The following SGIP1 variants were observed in gnomAD, a reference collection of about 807,000 sequenced individuals.
SGIP1 encodes the protein SH3-containing GRB2-like protein 3-interacting protein 1.
Under a neutral mutation model 107.5 loss-of-function variants are expected in SGIP1, and 38 were observed. That is an observed-to-expected ratio of 0.35 (90% CI 0.27 to 0.46). The LOEUF is 0.46. Among genes scored for constraint, SGIP1 ranks in the 20% least tolerant of loss-of-function variants. The pLI, the probability that SGIP1 is intolerant of heterozygous loss-of-function variation, is 1.00. For synonymous variants in SGIP1, 365 were observed against 366.1 expected (o/e 1.00, Z 0.03); for missense variants, 929 against 1,019.5 (o/e 0.91, Z 1.21).
intron 1 of SGIP1, among the ~76,000 whole-genome samples, chr1:66,569,870 A>G (rs1384447306): frequency 6.6e-6 from 1 of 151,820 alleles, no homozygotes; most frequent in East Asian, 1.9e-4. Flanking sequence ...TCTGTTTTAA[A>G]AGTTATCAAC....
At chr1:66,739,134 G>A (rs1042460671) in intron 21 of SGIP1, among the ~76,000 whole-genome samples, 6 of 149,610 alleles carry the variant, frequency 4.0e-5, no homozygotes, top group Non-Finnish European at 6.0e-5. Flanking sequence ...ACTCCAAAGT[G>A]CCACCGAGAC....
Position 66,534,241 on chromosome 1 carries a change from G to T in SGIP1, c.-118G>T, listed in dbSNP as rs1557798885. On this transcript the variant is annotated 5_prime_UTR_variant, in exon 1 of 25. Transcript: ENST00000371037. The stretch of plus-strand genomic sequence containing the variant: ...CTTAACACTTATCTCCTTTGGCTTT[G>T]ACAGCGGACGGAATAGACCTCAGCA... 1 of 1,086,838 alleles carries T rather than the reference G, an allele frequency of 9.2e-7. No homozygotes were observed. Among genetic ancestry groups the T allele is most frequent in the African/African-American group, 1.5e-5 (1 of 64,706 alleles). The allele number at this position is 1,086,838 out of a possible 1,614,324, so 67.3% of individuals were successfully genotyped here. A position where few individuals can be genotyped will look rare whatever the true frequency, so the allele number is the denominator to read the frequency against.
chr1:66,706,454 AT>A (rs5774835), intron 18 of SGIP1, among the ~76,000 whole-genome samples: 61,743 of 145,954 alleles, frequency 0.42, 13,579 homozygotes, highest in East Asian at 0.72. Context: ...ACATTTATAT[AT>A]AATATAAATT....
intron 24 of SGIP1, 43 bp from the exon 25 acceptor site, chr1:66,743,030 T>C (rs752109404): frequency 2.1e-5 from 34 of 1,611,324 alleles, no homozygotes; most frequent in Non-Finnish European, 2.6e-5. Context: ...ATTACATTAT[T>C]GAACTACCAG....
intron 3 of SGIP1, among the ~76,000 whole-genome samples, chr1:66,633,732 C>G (rs935554179): frequency 6.6e-6 from 1 of 151,842 alleles, no homozygotes. Context: ...GAGTCTGCAC[C>G]GACTCCTAAA....
chr1:66,703,046 T>C (rs766203301), intron 18 of SGIP1, among the ~76,000 whole-genome samples: 53 of 152,210 alleles, frequency 3.5e-4, no homozygotes, highest in Non-Finnish European at 5.9e-4. Flanking sequence ...ATAAGTTAAA[T>C]AGTTCCCTGG....
intron 8 of SGIP1, 76 bp from the exon 9 acceptor site, chr1:66,667,454 T>G (rs915263684): frequency 8.8e-6 from 12 of 1,367,170 alleles, no homozygotes; most frequent in Non-Finnish European, 1.3e-5. Context: ...TAAAGTCTTC[T>G]GTTACCCAAG....
At chr1:66,733,980 A>C in intron 21 of SGIP1, 100 bp downstream of exon 21, 1 of 1,322,748 alleles carries the variant, frequency 7.6e-7, no homozygotes, top group Non-Finnish European at 1.0e-6. Flanking sequence ...ACTTCTTTTA[A>C]CAGTATTTAA....
intron 1 of SGIP1, among the ~76,000 whole-genome samples, chr1:66,575,815 A>C (rs1481030471): frequency 6.6e-6 from 1 of 152,212 alleles, no homozygotes; most frequent in Non-Finnish European, 1.5e-5. Flanking sequence ...GTGTATGTTT[A>C]AAGCTTAAAT....
At chr1:66,593,163 G>T (rs2063976300) in intron 1 of SGIP1, among the ~76,000 whole-genome samples, 1 of 151,828 alleles carries the variant, frequency 6.6e-6, no homozygotes, top group South Asian at 2.1e-4. Context: ...CCACGGTCTG[G>T]ATGTACGATG....
intron 1 of SGIP1, among the ~76,000 whole-genome samples, chr1:66,542,430 T>A (rs561764642): frequency 6.6e-6 from 1 of 152,112 alleles, no homozygotes; most frequent in African/African-American, 2.4e-5. Context: ...CATGATGAGA[T>A]GAAGTGGAGT....
intron 18 of SGIP1, among the ~76,000 whole-genome samples, chr1:66,711,520 T>C (rs968953320): frequency 5.3e-5 from 8 of 152,180 alleles, no homozygotes; most frequent in Non-Finnish European, 1.2e-4. Context: ...CTAACTAATA[T>C]AATCAGCTTT....
In SGIP1 at chr1:66,748,490, G is replaced by A. The variant is rs1043865529; in HGVS notation, c.*5395G>A. ...AATATCTGATTTCTCTCCTAAATGGGTATGTCTATGAGGAAAAGACACCTA... is the reference window on the plus strand; with the variant it reads ...AATATCTGATTTCTCTCCTAAATGGATATGTCTATGAGGAAAAGACACCTA... On this transcript the variant is annotated 3_prime_UTR_variant, in exon 25 of 25. Coordinates refer to ENST00000371037, the MANE Select transcript of SGIP1 (RefSeq NM_032291.4). Among the ~76,000 whole-genome samples, 1 of 151,812 alleles carries A rather than the reference G, an allele frequency of 6.6e-6. No individual in the cohort carries two copies. Among genetic ancestry groups the A allele is most frequent in the Non-Finnish European group, 1.5e-5 (1 of 67,810 alleles).
chr1:66,601,139 G>A (rs985220085), intron 1 of SGIP1, among the ~76,000 whole-genome samples: 5 of 152,066 alleles, frequency 3.3e-5, no homozygotes, highest in Admixed American at 6.5e-5. Context: ...CGAGGCGGGC[G>A]GATCAAGAGG....
At chr1:66,700,606 A>G (rs904394653) in intron 18 of SGIP1, among the ~76,000 whole-genome samples, 2 of 150,980 alleles carry the variant, frequency 1.3e-5, no homozygotes, top group Non-Finnish European at 2.9e-5. Context: ...TAATATTTCA[A>G]TACATGTGTA....
chr1:66,578,757 C>T (rs12567556), intron 1 of SGIP1, among the ~76,000 whole-genome samples: 21,775 of 152,106 alleles, frequency 0.14, 1,961 homozygotes, highest in East Asian at 0.32. Flanking sequence ...TCACAATCTC[C>T]GCCTCCCAGG....
At chr1:66,603,159 A>G (rs1232731639) in intron 1 of SGIP1, among the ~76,000 whole-genome samples, 1 of 152,212 alleles carries the variant, frequency 6.6e-6, no homozygotes, top group Non-Finnish European at 1.5e-5. Context: ...TCTTGGAGAA[A>G]GAGAAAGAAA....
chr1:66,596,304 T>C (rs1334282199), intron 1 of SGIP1, among the ~76,000 whole-genome samples: 1 of 147,522 alleles, frequency 6.8e-6, no homozygotes, highest in East Asian at 2.1e-4. Context: ...GGAACAGCTC[T>C]CAGCAGAGAG....
intron 1 of SGIP1, among the ~76,000 whole-genome samples, chr1:66,609,023 T>TATCCCACAGGGATGAAGGTCACTTAC (rs2067397847): frequency 6.6e-6 from 1 of 152,244 alleles, no homozygotes; most frequent in Non-Finnish European, 1.5e-5. Flanking sequence ...AGGTCACTTA[T>TATCCCACAGGGATGAAGGTCACTTAC]ATCCCACAGG....
Sources: gnomAD v4.1 joint callset for allele counts (sites outside exome capture counted in the v4.1 genomes callset) on GRCh38, gnomAD v4.1.1 for gene constraint, MANE v1.5 for transcripts, NCBI Gene and HGNC (gene_info 2026-07-23, HGNC 2026-07-21) for gene names.